Variants in ERC2 observed in about 807,000 individuals in gnomAD.
The protein encoded by ERC2 is ELKS/RAB6-interacting/CAST family member 2.
ERC2 carries 42 observed loss-of-function variants against 114.8 expected under a neutral mutation model. The ratio of observed to expected loss-of-function variants is 0.37; its 90% confidence interval spans 0.29 to 0.47. The LOEUF is 0.47. ERC2 is among the 20% of genes least tolerant of loss of function. ERC2 has a pLI of 0.99. For synonymous variants in ERC2, 454 were observed against 425.5 expected (o/e 1.07, Z -0.82); for missense variants, 939 against 1,150.7 (o/e 0.82, Z 2.66).
At chr3:56,042,026 G>A (rs931778772) in intron 7 of ERC2, among the ~76,000 whole-genome samples, 9 of 152,118 alleles carry the variant, frequency 5.9e-5, no homozygotes, top group Admixed American at 2.0e-4. Context: ...GCAAATTAGC[G>A]GCAAAGTGAG....
intron 3 of ERC2, among the ~76,000 whole-genome samples, chr3:56,255,481 T>C (rs559723449): frequency 1.3e-5 from 2 of 152,280 alleles, no homozygotes; most frequent in East Asian, 3.9e-4. Context: ...ATCTTGACCA[T>C]GCAAGAGGCC....
chr3:56,183,714 T>C (rs534871047), intron 3 of ERC2, among the ~76,000 whole-genome samples: 2 of 152,242 alleles, frequency 1.3e-5, no homozygotes, highest in East Asian at 1.9e-4. Flanking sequence ...GCTTATGTTC[T>C]AGTGCATGCA....
intron 14 of ERC2, among the ~76,000 whole-genome samples, chr3:55,846,830 T>C (rs2061391545): frequency 2.0e-5 from 3 of 152,148 alleles, no homozygotes; most frequent in Admixed American, 2.0e-4. Context: ...CTTAATGAGA[T>C]ATTTGCCTGC....
intron 3 of ERC2, among the ~76,000 whole-genome samples, chr3:56,203,702 G>A (rs1440087929): frequency 6.6e-6 from 1 of 152,126 alleles, no homozygotes; most frequent in Non-Finnish European, 1.5e-5. Context: ...ATATACAAAG[G>A]TCAAATTGAA....
intron 3 of ERC2, among the ~76,000 whole-genome samples, chr3:56,249,231 G>A (rs1560457838): frequency 6.6e-6 from 1 of 152,142 alleles, no homozygotes; most frequent in Non-Finnish European, 1.5e-5. Flanking sequence ...CATTTAAGAT[G>A]CAAATATTTC....
intron 14 of ERC2, among the ~76,000 whole-genome samples, chr3:55,789,512 A>G (rs2069805512): frequency 6.6e-6 from 1 of 152,246 alleles, no homozygotes; most frequent in African/African-American, 2.4e-5. Context: ...ACACTGATGC[A>G]TAGAGAGATT....
intron 1 of ERC2, among the ~76,000 whole-genome samples, chr3:56,454,332 T>C (rs1559524324): frequency 6.6e-6 from 1 of 152,194 alleles, no homozygotes; most frequent in Non-Finnish European, 1.5e-5. Context: ...CTGAACATTT[T>C]AGAGTGCCCC....
At chr3:55,745,321 T>C (rs569093542) in intron 14 of ERC2, among the ~76,000 whole-genome samples, 1 of 152,204 alleles carries the variant, frequency 6.6e-6, no homozygotes, top group Non-Finnish European at 1.5e-5. Flanking sequence ...TTTAAGAAAC[T>C]GAGAAATGGA....
chr3:55,918,682 C>T (rs2065241144), intron 13 of ERC2, among the ~76,000 whole-genome samples: 1 of 151,716 alleles, frequency 6.6e-6, no homozygotes, highest in Non-Finnish European at 1.5e-5. Flanking sequence ...TGTTAGGAAG[C>T]TGATCCACCC....
At chr3:55,760,543 T>C (rs1213502446) in intron 14 of ERC2, among the ~76,000 whole-genome samples, 1 of 152,206 alleles carries the variant, frequency 6.6e-6, no homozygotes, top group East Asian at 1.9e-4. Context: ...CACATATACA[T>C]TGGTGAGAAA....
chr3:56,379,750 T>C (rs779430651), intron 2 of ERC2, among the ~76,000 whole-genome samples: 30 of 152,178 alleles, frequency 2.0e-4, no homozygotes, highest in Middle Eastern at 3.4e-3. Flanking sequence ...GCGACAGAAA[T>C]CTAGGCTTGA....
At chr3:55,685,076 C>T (rs1036873917) in intron 16 of ERC2, among the ~76,000 whole-genome samples, 4 of 152,214 alleles carry the variant, frequency 2.6e-5, no homozygotes, top group African/African-American at 9.6e-5. Flanking sequence ...TAGGCCTAGT[C>T]ATTTTTATCT....
At chr3:55,654,280 G>A (rs1290031489) in intron 17 of ERC2, among the ~76,000 whole-genome samples, 1 of 152,232 alleles carries the variant, frequency 6.6e-6, no homozygotes, top group Non-Finnish European at 1.5e-5. Context: ...TTCAGAAGGT[G>A]CACTGTCTGT....
intron 6 of ERC2, among the ~76,000 whole-genome samples, chr3:56,129,748 C>G (rs1225529382): frequency 6.6e-6 from 1 of 152,110 alleles, no homozygotes; most frequent in African/African-American, 2.4e-5. Flanking sequence ...TATAAACAAA[C>G]AAAAGCACTA....
At chr3:55,934,974 A>T (rs1210244458) in intron 13 of ERC2, among the ~76,000 whole-genome samples, 1 of 152,202 alleles carries the variant, frequency 6.6e-6, no homozygotes, top group Non-Finnish European at 1.5e-5. Flanking sequence ...ATCTCTGTGC[A>T]CATAATCCCC....
chr3:55,633,129 A>C (rs1042437057), intron 17 of ERC2, among the ~76,000 whole-genome samples: 5 of 152,202 alleles, frequency 3.3e-5, no homozygotes, highest in African/African-American at 1.2e-4. Context: ...ACCAATGTCT[A>C]GTACTGTGCC....
intron 4 of ERC2, among the ~76,000 whole-genome samples, chr3:56,157,199 A>T (rs2081777406): frequency 6.6e-6 from 1 of 152,226 alleles, no homozygotes; most frequent in Non-Finnish European, 1.5e-5. Flanking sequence ...TCCACAGGCC[A>T]ACCTCAGAAG....
At chr3:55,559,047 C>T (rs755377921) in intron 17 of ERC2, among the ~76,000 whole-genome samples, 3 of 152,202 alleles carry the variant, frequency 2.0e-5, no homozygotes, top group Non-Finnish European at 4.4e-5. Flanking sequence ...GGAGCCCTCA[C>T]CTTGGGATTT....
intron 17 of ERC2, among the ~76,000 whole-genome samples, chr3:55,648,418 A>G (rs2060479534): frequency 6.6e-6 from 1 of 152,138 alleles, no homozygotes; most frequent in Non-Finnish European, 1.5e-5. Flanking sequence ...GCAGGACACT[A>G]TGATTCAGTG....
Sources: allele counts gnomAD v4.1 joint callset (sites outside exome capture counted in the v4.1 genomes callset), GRCh38; gene constraint gnomAD v4.1.1; transcripts MANE v1.5; gene names NCBI Gene and HGNC (gene_info 2026-07-23, HGNC 2026-07-21).